CEP170: variants seen among roughly 807,000 people sequenced by gnomAD.
CEP170 encodes the protein centrosomal protein of 170 kDa.
Under a neutral mutation model 151.9 loss-of-function variants are expected in CEP170, and 21 were observed. That is an observed-to-expected ratio of 0.14 (90% CI 0.10 to 0.20). CEP170 has a LOEUF of 0.20. Among genes scored for constraint, CEP170 ranks in the 10% least tolerant of loss-of-function variants. The pLI, the probability that CEP170 is intolerant of heterozygous loss-of-function variation, is 1.00. For missense variants in CEP170, 964 were observed against 1,892.9 expected, an observed-to-expected ratio of 0.51 and a Z score of 9.11; for synonymous variants, 356 against 648.8, an observed-to-expected ratio of 0.55 and a Z score of 6.86.
At chr1:243,171,758 A>C (rs1326375028) in intron 11 of CEP170, among the ~76,000 whole-genome samples, 1 of 152,226 alleles carries the variant, frequency 6.6e-6, no homozygotes, top group African/African-American at 2.4e-5. Flanking sequence ...TGGATGCTTT[A>C]TATACTTCAT....
chr1:243,164,214 T>G, intron 13 of CEP170, 70 bp downstream of exon 13: 2 of 1,271,382 alleles, frequency 1.6e-6, no homozygotes, highest in Non-Finnish European at 2.0e-6. Context: ...TTACTTTTTT[T>G]TTTAAAAAAA....
rs935369702 is a variant in CEP170 at position 243,205,936 on chromosome 1, G to GAAGAAGAAAGAAGGAAGAAAAAAGA, written c.275-5126_275-5102dup. Among the ~76,000 whole-genome samples the GAAGAAGAAAGAAGGAAGAAAAAAGA allele has an allele frequency of 2.6e-3, 385 of 147,310 alleles. 1 individual carries two copies. The highest frequency in any genetic ancestry group is 4.6e-3 in the Non-Finnish European group (305 of 66,366). ...CAAAAAAACAACAAACAAAAAGAAA[G>GAAGAAGAAAGAAGGAAGAAAAAAGA]AAGAAGAAAGAAGGAAGAAAAAAGA... On this transcript the variant is annotated intron_variant, in intron 4 of 19. Transcript: ENST00000366542.
chr1:243,207,638 A>G lies in CEP170; in HGVS notation c.274+4248T>C, dbSNP rs545844380. ...CAAGATAGAACATATTCTGGGCCAC[A>G]GAACAAGTCTCAATAAATTGAAAAG... On this transcript the variant is annotated intron_variant, in intron 4 of 19. Transcript: ENST00000366542. Among the ~76,000 whole-genome samples, 417 of 151,884 alleles carry G rather than the reference A, an allele frequency of 2.7e-3. 4 individuals are homozygous for G. Among genetic ancestry groups the G allele is most frequent in the African/African-American group, 9.6e-3 (399 of 41,386 alleles).
chr1:243,165,375 G>C lies in CEP170; in HGVS notation c.2585C>G (p.Ser862Cys). Residue 862 changes from serine (S) to cysteine (C), a missense_variant, in exon 13 of 20, where the codon TCT (serine) becomes TGT (cysteine). Physicochemically the swap from Ser to Cys is moderately radical, Grantham distance 112. Coordinates refer to ENST00000366542, the MANE Select transcript of CEP170 (RefSeq NM_014812.3). The stretch of plus-strand genomic sequence containing the variant: ...TGTTAATGCTAAAGAAGAAGGAGTA[G>C]AGGAAGTCTGTTTATTTATATGGGG... ...LIPHINKQTS[S>C]TPSSLALTSA... 6.5e-7 allele frequency: 1 copy of C among 1,544,624 alleles called. No individual in the cohort carries two copies. Among genetic ancestry groups the C allele is most frequent in the Non-Finnish European group, 8.8e-7 (1 of 1,130,554 alleles).
At chr1:243,150,441 C>T (rs536746005) in intron 14 of CEP170, among the ~76,000 whole-genome samples, 26 of 152,276 alleles carry the variant, frequency 1.7e-4, no homozygotes, top group Admixed American at 1.4e-3. Context: ...TGAGCCACCC[C>T]GCCCAGCTGA....
chr1:243,142,142 C>T, intron 15 of CEP170, 174 bp downstream of exon 15: 2 of 1,279,628 alleles, frequency 1.6e-6, no homozygotes, highest in South Asian at 3.2e-5. Context: ...TGTTAGCCTT[C>T]ACTAGTTTTG....
rs1321020703 is a variant in CEP170 at position 243,224,034 on chromosome 1, C to CA, written c.105+1141dup. Among the ~76,000 whole-genome samples the CA allele has an allele frequency of 1.3e-5, 2 of 152,078 alleles. 1 individual carries two copies. The highest frequency in any genetic ancestry group is 2.9e-5 in the Non-Finnish European group (2 of 68,024). ...GAAGAATATGTAATGGATATCTAAC[C>CA]ACTTAAGCATTAAACTGTTTTCATT... On this transcript the variant is annotated intron_variant, in intron 2 of 19. Transcript: ENST00000366542.
intron 1 of CEP170, among the ~76,000 whole-genome samples, chr1:243,253,477 T>C (rs2066140458): frequency 6.6e-6 from 1 of 152,232 alleles, no homozygotes; most frequent in Non-Finnish European, 1.5e-5. Flanking sequence ...TTTTAGTGTC[T>C]TCCTCTGTCA....
At chr1:243,160,211 T>TA (rs1558453943) in intron 13 of CEP170, among the ~76,000 whole-genome samples, 2 of 152,214 alleles carry the variant, frequency 1.3e-5, no homozygotes, top group Non-Finnish European at 2.9e-5. Flanking sequence ...TAACAATTTA[T>TA]AAAAATAAAT....
intron 1 of CEP170, among the ~76,000 whole-genome samples, chr1:243,254,166 C>T (rs2066265502): frequency 6.7e-6 from 1 of 149,522 alleles, no homozygotes. Context: ...AGGCATAGTC[C>T]CTGTCTTCCT....
chr1:243,185,742 C>G lies in CEP170; in HGVS notation c.1566+37G>C. On this transcript the variant is annotated intron_variant, in intron 10 of 19. Coordinates refer to ENST00000366542, the MANE Select transcript of CEP170 (RefSeq NM_014812.3). This position sits in a 1 kb window ranked among gnomAD's most constrained non-coding sequence, Gnocchi z 4.9. ...ATTTCCACCAGTCAAATACACCACA[C>G]AACAACTAAGATCACACTCAAATTT... The G allele has an allele frequency of 6.5e-7, 1 of 1,548,972 alleles. No individual in the cohort carries two copies. Among genetic ancestry groups the G allele is most frequent in the Non-Finnish European group, 8.7e-7 (1 of 1,149,694 alleles).
At chr1:243,182,280 A>G (rs1217983131) in intron 10 of CEP170, among the ~76,000 whole-genome samples, 1 of 152,040 alleles carries the variant, frequency 6.6e-6, no homozygotes, top group African/African-American at 2.4e-5. Context: ...ATGCTCTAGA[A>G]TTTCCCAGCC....
chr1:243,186,437 A>G lies in CEP170; in HGVS notation c.1109-15T>C. 7 of 1,581,626 alleles carry G rather than the reference A, an allele frequency of 4.4e-6. No individual in the cohort carries two copies. The highest frequency in any genetic ancestry group is 5.1e-6 in the Non-Finnish European group (6 of 1,168,368). The stretch of plus-strand genomic sequence containing the variant: ...ATGTTTATTTCCTGGATACAAAAAG[A>G]AAACACACAATAGAGAAGGAAAAAG... On this transcript the variant is annotated splice_polypyrimidine_tract_variant and intron_variant, in intron 8 of 19. Transcript: ENST00000366542.
At chr1:243,129,237 C>CA in intron 18 of CEP170, 123 bp downstream of exon 18, 1 of 583,102 alleles carries the variant, frequency 1.7e-6, no homozygotes, top group Non-Finnish European at 2.8e-6. Context: ...TAAAATTTCC[C>CA]AAAATTTTGC....
At chr1:243,247,219 C>T (rs2065486770) in intron 1 of CEP170, among the ~76,000 whole-genome samples, 1 of 151,616 alleles carries the variant, frequency 6.6e-6, no homozygotes, top group African/African-American at 2.4e-5. Flanking sequence ...CCTGGCTGGC[C>T]TAGGGAAAAA....
chr1:243,130,441 C>T (rs1277463248), intron 17 of CEP170, among the ~76,000 whole-genome samples: 2 of 152,030 alleles, frequency 1.3e-5, no homozygotes, highest in African/African-American at 2.4e-5. Context: ...ATTACCCTAA[C>T]ATCAAATAAC....
chr1:243,245,983 G>C (rs865921869), intron 1 of CEP170, among the ~76,000 whole-genome samples: 2 of 151,802 alleles, frequency 1.3e-5, no homozygotes, highest in African/African-American at 2.4e-5. Context: ...TTTTAAAAAA[G>C]ATACGTAATA....
At chr1:243,224,344 C>G (rs1255647756) in intron 2 of CEP170, among the ~76,000 whole-genome samples, 1 of 152,062 alleles carries the variant, frequency 6.6e-6, no homozygotes, top group Admixed American at 6.5e-5. Context: ...ACTCCAGTCC[C>G]TGTCCTTTTA....
chr1:243,138,449 T>TA (rs755406664), intron 16 of CEP170, among the ~76,000 whole-genome samples: 8 of 151,968 alleles, frequency 5.3e-5, no homozygotes, highest in Non-Finnish European at 1.2e-4. Context: ...ACATACATAT[T>TA]CTTACATAAT....
Sources: gnomAD v4.1 joint callset for allele counts (sites outside exome capture counted in the v4.1 genomes callset) on GRCh38, gnomAD v4.1.1 for gene constraint, Gnocchi (gnomAD v3.1) non-coding constraint, MANE v1.5 for transcripts, NCBI Gene and HGNC (gene_info 2026-07-23, HGNC 2026-07-21) for gene names.